Variants in TGDS observed in about 807,000 individuals in gnomAD.
TGDS encodes the protein UDP-D-glucose 4,6-dehydratase.
Under a neutral mutation model 52.3 loss-of-function variants are expected in TGDS, and 47 were observed. That is an observed-to-expected ratio of 0.90 (90% confidence interval 0.71 to 1.15). The LOEUF (loss-of-function observed/expected upper bound fraction) is 1.15, where lower values mean the gene tolerates loss of function less well. Ranked by LOEUF, TGDS falls within the 50% of genes most tolerant of loss-of-function variation. The pLI is 0.00. For synonymous variants in TGDS, 115 were observed against 136.9 expected, an observed-to-expected ratio of 0.84 and a Z score of 1.12; for missense variants, 375 against 418.4, an observed-to-expected ratio of 0.90 and a Z score of 0.90.
At chr13:94,596,020 C>A (rs756771295) in intron 1 of TGDS, 31 bp downstream of exon 1, 2 of 1,613,256 alleles carry the variant, frequency 1.2e-6, no homozygotes, top group African/African-American at 1.3e-5. Flanking sequence ...TTCTGGGGAG[C>A]CACTGCTTGG....
intron 2 of TGDS, among the ~76,000 whole-genome samples, chr13:94,592,867 A>G (rs1208837336): frequency 6.6e-6 from 1 of 151,568 alleles, no homozygotes; most frequent in African/African-American, 2.4e-5. Flanking sequence ...ACTTTAAAAA[A>G]TGTTCCTAGC....
intron 1 of TGDS, among the ~76,000 whole-genome samples, chr13:94,594,191 C>T (rs768170663): frequency 1.1e-4 from 16 of 152,118 alleles, no homozygotes; most frequent in Middle Eastern, 3.2e-3. Flanking sequence ...CCAAACGATG[C>T]CATCCATACA....
At chr13:94,586,762 T>C (rs1452821478) in intron 4 of TGDS, among the ~76,000 whole-genome samples, 2 of 148,036 alleles carry the variant, frequency 1.4e-5, no homozygotes, top group Non-Finnish European at 3.0e-5. Context: ...TTTTTTTTTT[T>C]TTTTTTTTTT....
intron 4 of TGDS, 38 bp from the exon 5 acceptor site, chr13:94,583,274 C>T (rs1400219986): frequency 3.8e-6 from 6 of 1,595,510 alleles, no homozygotes; most frequent in Non-Finnish European, 5.1e-6. Context: ...CAAGTCTACC[C>T]AACGGATAAA....
Position 94,574,073 on chromosome 13 carries a change from A to C in TGDS, c.*709T>G, listed in dbSNP as rs1888513195. 6.6e-6 allele frequency: 1 copy of C among 151,826 alleles called. No homozygotes were observed. The highest frequency in any genetic ancestry group is 6.6e-5 in the Admixed American group (1 of 15,242). 9.4% of individuals were successfully genotyped at this position (151,826 alleles called of 1,614,324 possible). A position where few individuals can be genotyped will look rare whatever the true frequency, so the allele number is the denominator to read the frequency against. ...AAAATATATAATCAAATTTTTTTTT[A>C]TTTTTCTACAGCAAAATAAAAACAT... On this transcript the variant is annotated 3_prime_UTR_variant, in exon 12 of 12. Transcript: ENST00000261296.
At chr13:94,594,454 T>C (rs1430922850) in intron 1 of TGDS, among the ~76,000 whole-genome samples, 1 of 152,200 alleles carries the variant, frequency 6.6e-6, no homozygotes, top group Admixed American at 6.5e-5. Flanking sequence ...TAATAACAGC[T>C]GAAACCATTC....
chr13:94,581,097 T>C lies in TGDS; in HGVS notation c.549A>G (p.Gln183=), dbSNP rs753214706. The change falls in exon 6 of 12, where the codon CAA becomes CAG. Residue 183 remains glutamine (Q), a synonymous_variant. Transcript: ENST00000261296. ...AECFVQSYWE[Q]YKFPVVITRS... is the part of the protein sequence containing the mutation. ...TTCTGCAATCAGTTCTTACCTTATA[T>C]TGTTCCCAGTAAGACTGTACAAAAC... 1.3e-6 allele frequency: 2 copies of C among 1,544,152 alleles called. No individual in the cohort carries two copies. The highest frequency in any genetic ancestry group is 1.3e-5 in the South Asian group (1 of 75,636).
rs1184027347 is a variant in TGDS at position 94,574,379 on chromosome 13, C to A, written c.*403G>T. ...TTAAAAAAGAAATGGTGAATTAGGG[C>A]CTAAGACATCCTATATTGCCTAAAA... On this transcript the variant is annotated 3_prime_UTR_variant, in exon 12 of 12. Transcript: ENST00000261296. The A allele has an allele frequency of 6.4e-6, 1 of 157,144 alleles. No individual in the cohort carries two copies. The highest frequency in any genetic ancestry group is 1.4e-5 in the Non-Finnish European group (1 of 71,570). The allele number at this position is 157,144 out of a possible 1,614,324, so 9.7% of individuals were successfully genotyped here.
chr13:94,574,729 C>A lies in TGDS; in HGVS notation c.*53G>T. On this transcript the variant is annotated 3_prime_UTR_variant, in exon 12 of 12. Coordinates refer to ENST00000261296, the MANE Select transcript of TGDS (RefSeq NM_014305.4). Reference sequence around the variant, plus strand: ...GGTCACTTAATTTCATACCACTTGGCGAGGTAGGATAACTTTCTTCTTTGA... The same window carrying A: ...GGTCACTTAATTTCATACCACTTGGAGAGGTAGGATAACTTTCTTCTTTGA... 1.8e-6 allele frequency: 2 copies of A among 1,100,786 alleles called. No individual in the cohort carries two copies. The highest frequency in any genetic ancestry group is 2.7e-6 in the Non-Finnish European group (2 of 731,112). The allele number at this position is 1,100,786 out of a possible 1,614,324, so 68.2% of individuals were successfully genotyped here.
intron 2 of TGDS, among the ~76,000 whole-genome samples, 167 bp from the exon 3 acceptor site, chr13:94,592,476 G>T (rs185213393): frequency 6.6e-6 from 1 of 151,746 alleles, no homozygotes; most frequent in African/African-American, 2.4e-5. Flanking sequence ...TTTTTGAGAC[G>T]GAGTCTCACT....
chr13:94,582,310 G>A (rs1399654946), intron 5 of TGDS, among the ~76,000 whole-genome samples: 1 of 152,168 alleles, frequency 6.6e-6, no homozygotes, highest in Non-Finnish European at 1.5e-5. Context: ...GTATGCTGCA[G>A]CCTAACTTAT....
intron 3 of TGDS, 95 bp from the exon 4 acceptor site, chr13:94,591,038 C>T (rs1043479894): frequency 1.3e-6 from 1 of 794,586 alleles, no homozygotes; most frequent in Admixed American, 3.2e-5. Context: ...CTCCCACCTC[C>T]CTGTTTAATA....
At chr13:94,581,791 TAATAA>T (rs767394435) in intron 5 of TGDS, among the ~76,000 whole-genome samples, 1 of 152,170 alleles carries the variant, frequency 6.6e-6, no homozygotes, top group Non-Finnish European at 1.5e-5. Flanking sequence ...AATTCATAAA[TAATAA>T]AATAAACAGA....
intron 4 of TGDS, among the ~76,000 whole-genome samples, chr13:94,588,288 T>G (rs1237960667): frequency 7.3e-5 from 11 of 151,398 alleles, no homozygotes; most frequent in Non-Finnish European, 1.5e-4. Flanking sequence ...CTGGGCGTGG[T>G]GGCGCATGCC....
Position 94,581,192 on chromosome 13 carries a change from A to G in TGDS, c.457-3T>C, listed in dbSNP as rs573403477. On this transcript the variant is annotated splice_polypyrimidine_tract_variant and splice_region_variant and intron_variant, in intron 5 of 11. Coordinates refer to ENST00000261296, the MANE Select transcript of TGDS (RefSeq NM_014305.4). ...TTGGGTGAAGATTCATCAAATTCCT[A>G]TTTTTAAAAATATATATTTAAAAAA... The G allele has an allele frequency of 6.5e-6, 10 of 1,534,864 alleles. No individual in the cohort carries two copies. The African/African-American group carries it at 9.7e-5, about 15-fold the overall frequency.
Position 94,581,074 on chromosome 13 carries a change from C to A in TGDS, c.555+17G>T. ...CCAAAGGAAAATGTTTCAAGAGTTTCTGCAATCAGTTCTTACCTTATATTG... is the reference window on the plus strand; with the variant it reads ...CCAAAGGAAAATGTTTCAAGAGTTTATGCAATCAGTTCTTACCTTATATTG... On this transcript the variant is annotated intron_variant, in intron 6 of 11. Coordinates refer to ENST00000261296, the MANE Select transcript of TGDS (RefSeq NM_014305.4). The A allele has an allele frequency of 7.3e-7, 1 of 1,363,618 alleles. No homozygotes were observed. The allele number at this position is 1,363,618 out of a possible 1,614,324, so 84.5% of individuals were successfully genotyped here. A position where few individuals can be genotyped will look rare whatever the true frequency, so the allele number is the denominator to read the frequency against.
intron 6 of TGDS, 54 bp from the exon 7 acceptor site, chr13:94,580,007 A>G: frequency 2.5e-6 from 3 of 1,195,568 alleles, no homozygotes; most frequent in Non-Finnish European, 3.6e-6. Flanking sequence ...AATAATGATT[A>G]TTTTAAAGAT....
chr13:94,577,386 T>A lies in TGDS; in HGVS notation c.869A>T (p.Asp290Val). Reference protein sequence around the residue: ...NSESEMENWVDYVNDRPTNDM... With the variant: ...NSESEMENWVVYVNDRPTNDM... ...TGTTACTCACCTATCATTAACATAA[T>A]CAACCCAATTTTCCATTTCAGACTC... is the stretch of plus-strand genomic sequence containing the variant. The change falls in exon 10 of 12, where the codon GAT becomes GTT. Residue 290 changes from aspartate to valine, a missense_variant. Coordinates refer to ENST00000261296, the MANE Select transcript of TGDS (RefSeq NM_014305.4). 1 of 1,575,592 alleles carries A rather than the reference T, an allele frequency of 6.3e-7. No homozygotes were observed. The highest frequency in any genetic ancestry group is 8.6e-7 in the Non-Finnish European group (1 of 1,165,268).
Position 94,596,105 on chromosome 13 carries a change from C to G in TGDS, c.32G>C (p.Gly11Ala). 3 of 1,614,158 alleles carry G rather than the reference C, an allele frequency of 1.9e-6. No homozygotes were observed. Among genetic ancestry groups the G allele is most frequent in the East Asian group, 2.2e-5 (1 of 44,864 alleles). ...CCGCTTCGCAAAGCCGCCGGGAAGA[C>G]CCCACGGTTCCTCCCAACACGCCGC... is the stretch of plus-strand genomic sequence containing the variant. MSAACWEEPW[G>A]LPGGFAKRVL... Residue 11 changes from glycine to alanine, a missense_variant, in exon 1 of 12, where the codon GGT becomes GCT. Physicochemically the swap from Gly to Ala is moderately conservative, Grantham distance 60 (BLOSUM62 0). Transcript: ENST00000261296.
Sources: gnomAD v4.1 joint callset for allele counts (sites outside exome capture counted in the v4.1 genomes callset) on GRCh38, gnomAD v4.1.1 for gene constraint, MANE v1.5 for transcripts, NCBI Gene and HGNC (gene_info 2026-07-23, HGNC 2026-07-21) for gene names.